POLG2: variants seen among roughly 807,000 people sequenced by gnomAD.
POLG2 encodes the protein DNA polymerase gamma 2, accessory subunit, also known as DNA polymerase subunit gamma-2.
In POLG2, 50 loss-of-function variants were observed where a neutral mutation model predicts 56.5. That is an observed-to-expected ratio of 0.88 (90% confidence interval 0.71 to 1.12). The LOEUF is 1.12. POLG2 is among the 50% of genes most tolerant of loss of function. POLG2 has a pLI of 0.00. For missense variants in POLG2, 584 were observed against 583.3 expected (o/e 1.00, Z -0.01); for synonymous variants, 226 against 222.6 (o/e 1.02, Z -0.14).
At chr17:64,490,698 TGTTAAGACACCAC>T in intron 4 of POLG2, 85 bp downstream of exon 4, 1 of 874,066 alleles carries the variant, frequency 1.1e-6, no homozygotes, top group Non-Finnish European at 1.9e-6. Context: ...CACAATGAAG[TGTTAAGACACCAC>T]GTTTGCACCT....
At chr17:64,492,235 CAT>C (rs782036371) in intron 3 of POLG2, among the ~76,000 whole-genome samples, 110 of 152,240 alleles carry the variant, frequency 7.2e-4, no homozygotes, top group Non-Finnish European at 2.4e-4. Flanking sequence ...GAAATGGTAA[CAT>C]AACACATGGC....
chr17:64,483,406 TCAG>T lies in POLG2; in HGVS notation c.1111-410_1111-408del, dbSNP rs568419922. 2.1e-3 allele frequency among the ~76,000 whole-genome samples: 317 copies of T among 151,982 alleles called. 1 individual carries two copies. Among genetic ancestry groups the T allele is most frequent in the African/African-American group, 7.3e-3 (303 of 41,402 alleles). On this transcript the variant is annotated intron_variant, in intron 5 of 7. Transcript: ENST00000539111. ...GGCGCATACCTGTAGTCCCAGCTACTCAGGCGGCTGAGGTGGGAAGAATGCTTG... is the reference window on the plus strand; with the variant it reads ...GGCGCATACCTGTAGTCCCAGCTACTGCGGCTGAGGTGGGAAGAATGCTTG...
Position 64,485,870 on chromosome 17 carries a change from T to G in POLG2, c.970-2A>C. The G allele has an allele frequency of 6.2e-7, 1 of 1,614,026 alleles. No individual in the cohort carries two copies. Among genetic ancestry groups the G allele is most frequent in the Non-Finnish European group, 8.5e-7 (1 of 1,179,872 alleles). ...CACATTTTTTCGTCCATCTCGGCCC[T>G]TCACAGAAAAACAGAAGAAAAATAA... On this transcript the variant is annotated splice_acceptor_variant, in intron 4 of 7. Coordinates refer to ENST00000539111, the MANE Select transcript of POLG2 (RefSeq NM_007215.4). LOFTEE classifies it high-confidence loss of function.
intron 1 of POLG2, 88 bp from the exon 2 acceptor site, chr17:64,493,109 C>G: frequency 7.4e-7 from 1 of 1,350,204 alleles, no homozygotes; most frequent in Non-Finnish European, 1.1e-6. Context: ...GTAGTAATAA[C>G]GTTAACACAG....
At chr17:64,481,526 A>C (rs1383529804) in intron 6 of POLG2, 10 of 445,326 alleles carry the variant, frequency 2.2e-5, no homozygotes. Context: ...AAATCAAAAT[A>C]AAATTATAGA....
At chr17:64,491,660 CAA>C in intron 3 of POLG2, 1 of 1,337,546 alleles carries the variant, frequency 7.5e-7, no homozygotes, top group Non-Finnish European at 1.1e-6. Flanking sequence ...ACTGGTACTA[CAA>C]CAAGTACATC....
At chr17:64,484,626 A>G (rs1555667113) in intron 5 of POLG2, among the ~76,000 whole-genome samples, 1 of 152,154 alleles carries the variant, frequency 6.6e-6, no homozygotes, top group African/African-American at 2.4e-5. Flanking sequence ...CAGACTCAGG[A>G]TACGTTTTGA....
chr17:64,493,853 C>A (rs1468856945), intron 1 of POLG2, among the ~76,000 whole-genome samples: 1 of 152,134 alleles, frequency 6.6e-6, no homozygotes, highest in Non-Finnish European at 1.5e-5. Context: ...CACTTGTATA[C>A]CCTTTACCTA....
Position 64,482,933 on chromosome 17 carries a change from A to C in POLG2, c.1177T>G (p.Leu393Val). 6.3e-7 allele frequency: 1 copy of C among 1,588,108 alleles called. No homozygotes were observed. Among genetic ancestry groups the C allele is most frequent in the South Asian group, 1.1e-5 (1 of 90,616 alleles). Residue 393 changes from leucine (L) to valine (V), a missense_variant, in exon 6 of 8, where the codon TTG becomes GTG. By Grantham distance (32) the Leu-to-Val change is conservative. Transcript: ENST00000539111. ...VALDVGRGPT[L>V]ELRQVCQGLF... Reference sequence around the variant, plus strand: ...ATTTAACTCACCTGTCTTAGTTCCAATGTGGGGCCTCTTCCTACATCCAAA... The same window carrying C: ...ATTTAACTCACCTGTCTTAGTTCCACTGTGGGGCCTCTTCCTACATCCAAA...
chr17:64,489,286 TGGA>T (rs1462997709), intron 4 of POLG2, among the ~76,000 whole-genome samples: 5 of 136,730 alleles, frequency 3.7e-5, no homozygotes, highest in African/African-American at 8.2e-5. Context: ...AAAAAAAAAA[TGGA>T]GGAGAAGGAA....
chr17:64,491,428 C>G lies in POLG2; in HGVS notation c.796-459G>C, dbSNP rs539546008. The G allele has an allele frequency of 2.6e-4, 202 of 769,602 alleles. 3 individuals carry two copies. In the South Asian group the frequency reaches 3.2e-3, roughly 12 times the overall value. The allele number at this position is 769,602 out of a possible 1,614,324, so 47.7% of individuals were successfully genotyped here. ...TGGGTAACAGAGCAAGACTTCATCTCTACAAATAATAAAAGAAGTTGCAGT... is the reference window on the plus strand; with the variant it reads ...TGGGTAACAGAGCAAGACTTCATCTGTACAAATAATAAAAGAAGTTGCAGT... On this transcript the variant is annotated intron_variant, in intron 3 of 7. Coordinates refer to ENST00000539111, the MANE Select transcript of POLG2 (RefSeq NM_007215.4).
At chr17:64,491,115 A>G in intron 3 of POLG2, 146 bp from the exon 4 acceptor site, 1 of 696,192 alleles carries the variant, frequency 1.4e-6, no homozygotes, top group South Asian at 1.7e-5. Context: ...CAAATTTTAA[A>G]GTTTATTCTA....
intron 7 of POLG2, among the ~76,000 whole-genome samples, chr17:64,479,601 T>C (rs1320582318): frequency 6.6e-6 from 1 of 152,088 alleles, no homozygotes; most frequent in Admixed American, 6.6e-5. Context: ...ATAACAAGAA[T>C]GGATTATTTA....
At chr17:64,488,217 A>T (rs2037991894) in intron 4 of POLG2, among the ~76,000 whole-genome samples, 1 of 151,510 alleles carries the variant, frequency 6.6e-6, no homozygotes, top group African/African-American at 2.4e-5. Context: ...ATTTTAAAAA[A>T]AGAAAGAAAT....
intron 1 of POLG2, among the ~76,000 whole-genome samples, chr17:64,493,234 C>T (rs1555668903): frequency 6.6e-6 from 1 of 152,028 alleles, no homozygotes; most frequent in East Asian, 1.9e-4. Flanking sequence ...GACTGGGCAA[C>T]ACAGCAAAAC....
intron 7 of POLG2, 49 bp downstream of exon 7, chr17:64,480,240 T>C (rs781976974): frequency 1.2e-5 from 9 of 730,734 alleles, no homozygotes; most frequent in Admixed American, 4.5e-5. Context: ...ATAAACATAA[T>C]CAAAAACTCT....
chr17:64,488,212 A>T lies in POLG2; in HGVS notation c.970-2344T>A, dbSNP rs112699686. Among the ~76,000 whole-genome samples, 737 of 152,226 alleles carry T rather than the reference A, an allele frequency of 4.8e-3. 4 individuals are homozygous for T. Among genetic ancestry groups the T allele is most frequent in the African/African-American group, 0.017 (701 of 41,524 alleles). On this transcript the variant is annotated intron_variant, in intron 4 of 7. Transcript: ENST00000539111. ...GACCCCATCTCTATTAAATAATTTT[A>T]AAAAAAGAAAGAAATGGCCTCAGAA...
rs782746699 is a variant in POLG2 at position 64,496,859 on chromosome 17, C to T, written c.110G>A (p.Ser37Asn). The T allele has an allele frequency of 2.5e-6, 4 of 1,613,748 alleles. No homozygotes were observed. Among genetic ancestry groups the T allele is most frequent in the Admixed American group, 3.3e-5 (2 of 60,012 alleles). The change falls in exon 1 of 8, where the codon AGT becomes AAT. Residue 37 changes from serine to asparagine, a missense_variant. By Grantham distance (46) the Ser-to-Asn change is conservative. Transcript: ENST00000539111. Reference sequence around the variant, plus strand: ...CTTCACATGCCCTCCTTTGGGGCTACTCCTTTCCGTCAACAGCTCCGGCTG... The same window carrying T: ...CTTCACATGCCCTCCTTTGGGGCTATTCCTTTCCGTCAACAGCTCCGGCTG... Reference protein sequence around the residue: ...AGQPELLTERSSPKGGHVKSH... With the variant: ...AGQPELLTERNSPKGGHVKSH...
At chr17:64,495,836 G>A (rs1555669402) in intron 1 of POLG2, among the ~76,000 whole-genome samples, 1 of 151,840 alleles carries the variant, frequency 6.6e-6, no homozygotes, top group African/African-American at 2.4e-5. Flanking sequence ...AGCCTCCCAA[G>A]TAGCTGGGAT....
Sources: allele counts gnomAD v4.1 joint callset (sites outside exome capture counted in the v4.1 genomes callset), GRCh38; gene constraint gnomAD v4.1.1; transcripts MANE v1.5; gene names NCBI Gene and HGNC (gene_info 2026-07-23, HGNC 2026-07-21).